Variants in CFAP77 observed in about 807,000 individuals in gnomAD.
CFAP77 encodes cilia- and flagella-associated protein 77.
In CFAP77, 25 loss-of-function variants were observed where a neutral mutation model predicts 31.1. The ratio of observed to expected loss-of-function variants is 0.80; its 90% confidence interval spans 0.59 to 1.12. The LOEUF is 1.12. CFAP77 is among the 50% of genes most tolerant of loss of function. The pLI is 0.00. For missense variants in CFAP77, 377 were observed against 397.3 expected (o/e 0.95, Z 0.44); for synonymous variants, 151 against 159.9 (o/e 0.94, Z 0.42).
At chr9:132,512,257 ATC>A (rs1294315453) in intron 3 of CFAP77, among the ~76,000 whole-genome samples, 1 of 152,168 alleles carries the variant, frequency 6.6e-6, no homozygotes, top group African/African-American at 2.4e-5. Flanking sequence ...TCTCTCCTGC[ATC>A]TCTGTCTTCT....
At chr9:132,459,420 GGTGT>G (rs112825234) in intron 1 of CFAP77, among the ~76,000 whole-genome samples, 11,724 of 143,870 alleles carry the variant, frequency 0.081, 485 homozygotes, top group South Asian at 0.099. Flanking sequence ...GGATGAATAG[GGTGT>G]GTGTGTGTGT....
intron 5 of CFAP77, among the ~76,000 whole-genome samples, chr9:132,556,555 AAC>A (rs960777107): frequency 6.6e-6 from 1 of 151,996 alleles, no homozygotes; most frequent in Non-Finnish European, 1.5e-5. Context: ...AAGTCTGGAA[AAC>A]ACACACACAC....
At chr9:132,510,170 A>G (rs1055499234) in intron 3 of CFAP77, among the ~76,000 whole-genome samples, 1 of 152,156 alleles carries the variant, frequency 6.6e-6, no homozygotes, top group African/African-American at 2.4e-5. Context: ...CATCAGGAGC[A>G]GCTCGGTGCC....
At chr9:132,513,272 C>A in intron 3 of CFAP77, 1 of 1,548,296 alleles carries the variant, frequency 6.5e-7, no homozygotes, top group East Asian at 2.4e-5. Flanking sequence ...ACTTTCCAAA[C>A]AAATAGAAAA....
At chr9:132,548,726 G>A (rs117693630) in intron 5 of CFAP77, among the ~76,000 whole-genome samples, 12,579 of 77,624 alleles carry the variant, frequency 0.16, 574 homozygotes, top group Middle Eastern at 0.22. Flanking sequence ...CGGAACATCC[G>A]CCCCTCCCCC....
At chr9:132,428,848 C>T (rs1451000015) in intron 1 of CFAP77, among the ~76,000 whole-genome samples, 1 of 152,004 alleles carries the variant, frequency 6.6e-6, no homozygotes, top group African/African-American at 2.4e-5. Flanking sequence ...CATCACCAGG[C>T]TGCGATGGTG....
intron 5 of CFAP77, among the ~76,000 whole-genome samples, chr9:132,570,377 G>A (rs761721642): frequency 6.6e-6 from 1 of 152,236 alleles, no homozygotes; most frequent in Non-Finnish European, 1.5e-5. Context: ...CTGGGCTCAG[G>A]CCTCTCCCTT....
chr9:132,570,864 G>A (rs1038338100), intron 5 of CFAP77, among the ~76,000 whole-genome samples: 2 of 152,138 alleles, frequency 1.3e-5, no homozygotes, highest in African/African-American at 4.8e-5. Context: ...GAGTCCAGAG[G>A]TTGGGGGTCA....
At position 132,501,714 on chromosome 9, in the gene CFAP77, T is replaced by G. The variant is rs1319520811; in HGVS notation, c.524+2114T>G. 6.6e-6 allele frequency among the ~76,000 whole-genome samples: 1 copy of G among 152,208 alleles called. No individual in the cohort carries two copies. Among genetic ancestry groups the G allele is most frequent in the East Asian group, 1.9e-4 (1 of 5,188 alleles). ...CACTGCGCCCGGTTACATGACTATC[T>G]TCTACTCAGCCACTGTGGTCAGGGC... On this transcript the variant is annotated intron_variant, in intron 3 of 5. Coordinates refer to ENST00000393216, the MANE Select transcript of CFAP77 (RefSeq NM_001282957.2). This position sits in a 1 kb window ranked among gnomAD's most constrained non-coding sequence, Gnocchi z 4.6.
intron 1 of CFAP77, among the ~76,000 whole-genome samples, chr9:132,469,267 A>G (rs1388456750): frequency 6.6e-6 from 1 of 152,228 alleles, no homozygotes; most frequent in African/African-American, 2.4e-5. Context: ...TTACAAAAGC[A>G]GATAAAGGCA....
At chr9:132,560,301 A>G (rs1852973466) in intron 5 of CFAP77, among the ~76,000 whole-genome samples, 1 of 152,288 alleles carries the variant, frequency 6.6e-6, no homozygotes. Flanking sequence ...GCCTCAGACG[A>G]GGGGAGTCTG....
chr9:132,518,070 G>A (rs747324028), intron 3 of CFAP77, among the ~76,000 whole-genome samples: 1 of 152,120 alleles, frequency 6.6e-6, no homozygotes, highest in African/African-American at 2.4e-5. Flanking sequence ...ATAATTTGTC[G>A]AAGCTCTTAG....
At chr9:132,475,251 T>G (rs1298802254) in intron 1 of CFAP77, among the ~76,000 whole-genome samples, 1 of 152,230 alleles carries the variant, frequency 6.6e-6, no homozygotes, top group Non-Finnish European at 1.5e-5. Flanking sequence ...ATGAGAGTTT[T>G]CTGATATTCT....
At chr9:132,519,568 A>G (rs1457932624) in intron 3 of CFAP77, among the ~76,000 whole-genome samples, 103 of 62,268 alleles carry the variant, frequency 1.7e-3, no homozygotes, top group Non-Finnish European at 2.1e-3. Context: ...GGATGGATGG[A>G]TGGATAGATG....
chr9:132,458,933 CAG>C (rs1214754276), intron 1 of CFAP77, among the ~76,000 whole-genome samples: 4 of 152,198 alleles, frequency 2.6e-5, no homozygotes, highest in Admixed American at 2.6e-4. Context: ...CAAGTACACT[CAG>C]GGGTGAGGAT....
chr9:132,487,828 AT>A lies in CFAP77; in HGVS notation c.196-10863del. 1.3e-5 allele frequency among the ~76,000 whole-genome samples: 2 copies of A among 152,140 alleles called. 1 individual carries two copies. The highest frequency in any genetic ancestry group is 4.2e-4 in the South Asian group (2 of 4,808). On this transcript the variant is annotated intron_variant, in intron 1 of 5. Coordinates refer to ENST00000393216, the MANE Select transcript of CFAP77 (RefSeq NM_001282957.2). ...AGCCCTTTGATGCATAATGCACCTT[AT>A]TTTACATGATTGTTTATCTGAGGTT...
rs543795372 is a variant in CFAP77 at position 132,414,101 on chromosome 9, A to G, written c.195+3635A>G. Among the ~76,000 whole-genome samples the G allele has an allele frequency of 7.9e-5, 12 of 152,360 alleles. No individual in the cohort carries two copies. The East Asian group carries it at 1.5e-3, about 20-fold the overall frequency. On this transcript the variant is annotated intron_variant, in intron 1 of 5. Coordinates refer to ENST00000393216, the MANE Select transcript of CFAP77 (RefSeq NM_001282957.2). ...AGCCCCACGTTCTTTTGGCCACAACATATGATTAATTAACCAATGACAATC... is the reference window on the plus strand; with the variant it reads ...AGCCCCACGTTCTTTTGGCCACAACGTATGATTAATTAACCAATGACAATC...
intron 1 of CFAP77, among the ~76,000 whole-genome samples, chr9:132,476,885 T>A (rs1286262676): frequency 2.0e-5 from 3 of 151,968 alleles, no homozygotes; most frequent in African/African-American, 7.3e-5. Context: ...TCCGGAGCGG[T>A]GAGATTTCTG....
intron 5 of CFAP77, among the ~76,000 whole-genome samples, chr9:132,548,286 G>GGGGGGGGGGGGCCCCCC (rs1564248910): frequency 2.3e-5 from 3 of 129,004 alleles, no homozygotes; most frequent in East Asian, 2.6e-4. Context: ...GGGGGGTGGG[G>GGGGGGGGGGGGCCCCCC]GGTGAAGCTG....
Sources: allele counts gnomAD v4.1 joint callset (sites outside exome capture counted in the v4.1 genomes callset), GRCh38; gene constraint gnomAD v4.1.1; non-coding constraint Gnocchi (gnomAD v3.1); transcripts MANE v1.5; gene names NCBI Gene and HGNC (gene_info 2026-07-23, HGNC 2026-07-21).